Variants in SMARCC2 observed in about 807,000 individuals in gnomAD.
The protein encoded by SMARCC2 is SWI/SNF related BAF chromatin remodeling complex subunit C2.
Under a neutral mutation model 151.3 loss-of-function variants are expected in SMARCC2, and 15 were observed. The observed-to-expected ratio is 0.10, with a 90% CI of 0.07 to 0.15. The LOEUF (loss-of-function observed/expected upper bound fraction) is 0.15, where lower values mean the gene tolerates loss of function less well. SMARCC2 is among the 10% of genes least tolerant of loss of function. The probability of loss-of-function intolerance (pLI) is 1.00; values close to 1 mark genes in which losing one functional copy is unlikely to be tolerated. For synonymous variants in SMARCC2, 590 were observed against 609.5 expected (o/e 0.97, Z 0.47); for missense variants, 1,031 against 1,599.7 (o/e 0.64, Z 6.06).
intron 1 of SMARCC2, among the ~76,000 whole-genome samples, chr12:56,187,908 C>G (rs1454881147): frequency 6.6e-6 from 1 of 152,200 alleles, no homozygotes; most frequent in Admixed American, 6.5e-5. Context: ...AACATCTACC[C>G]TGTCCGAGGA....
At chr12:56,188,462 G>C (rs1254803084) in intron 1 of SMARCC2, among the ~76,000 whole-genome samples, 1 of 152,174 alleles carries the variant, frequency 6.6e-6, no homozygotes, top group African/African-American at 2.4e-5. Context: ...CCTCTCTGAG[G>C]GTAGTGAGAA....
chr12:56,174,870 G>C lies in SMARCC2; in HGVS notation c.1383-106C>G, dbSNP rs1299744152. On this transcript the variant is annotated intron_variant, in intron 15 of 28. Transcript: ENST00000550164. Reference sequence around the variant, plus strand: ...CTAATGACTTCTCCTGCATGATAAAGATGGAAAAAAGTAGATTATTTGACT... The same window carrying C: ...CTAATGACTTCTCCTGCATGATAAACATGGAAAAAAGTAGATTATTTGACT... 4 of 730,580 alleles carry C rather than the reference G, an allele frequency of 5.5e-6. No individual in the cohort carries two copies. In the African/African-American group the frequency reaches 7.0e-5, roughly 13 times the overall value. 45.3% of individuals were successfully genotyped at this position (730,580 alleles called of 1,614,324 possible). A position where few individuals can be genotyped will look rare whatever the true frequency, so the allele number is the denominator to read the frequency against.
In SMARCC2 at chr12:56,183,946, G is replaced by A. The variant is rs1452171887; in HGVS notation, c.563-16C>T. On this transcript the variant is annotated splice_polypyrimidine_tract_variant and intron_variant, in intron 6 of 28. Coordinates refer to ENST00000550164, the MANE Select transcript of SMARCC2 (RefSeq NM_001330288.2). ...ACCCATTCCTCTGGGGATAGAGGAAGAGAAGGGAGAGATATAAGCTAAAGG... is the reference window on the plus strand; with the variant it reads ...ACCCATTCCTCTGGGGATAGAGGAAAAGAAGGGAGAGATATAAGCTAAAGG... 6.3e-7 allele frequency: 1 copy of A among 1,578,506 alleles called. No homozygotes were observed. Among genetic ancestry groups the A allele is most frequent in the African/African-American group, 1.3e-5 (1 of 74,240 alleles).
At chr12:56,163,801 G>A (rs776472293) in intron 28 of SMARCC2, 36 bp from the exon 29 acceptor site, 31 of 1,399,248 alleles carry the variant, frequency 2.2e-5, no homozygotes, top group Middle Eastern at 1.8e-4. Flanking sequence ...GTTAGAGTAC[G>A]CCGGAGAGAT....
At chr12:56,165,978 C>A (rs1045875692) in intron 26 of SMARCC2, among the ~76,000 whole-genome samples, 1 of 152,210 alleles carries the variant, frequency 6.6e-6, no homozygotes, top group Non-Finnish European at 1.5e-5. Context: ...TTGCCATTAC[C>A]TTGATTTGGA....
At chr12:56,165,854 C>G (rs1392942087) in intron 26 of SMARCC2, among the ~76,000 whole-genome samples, 155 bp from the exon 27 acceptor site, 1 of 152,220 alleles carries the variant, frequency 6.6e-6, no homozygotes, top group Non-Finnish European at 1.5e-5. Context: ...CTGTCCTCCC[C>G]ACCCGACTTC....
At chr12:56,170,720 A>G (rs1371747953) in intron 22 of SMARCC2, among the ~76,000 whole-genome samples, 1 of 142,752 alleles carries the variant, frequency 7.0e-6, no homozygotes, top group Non-Finnish European at 1.5e-5. Flanking sequence ...CAGCCTTCAC[A>G]AGACTTTTTT....
rs770596212 is a variant in SMARCC2, at chr12:56,171,935, T to G, written c.1929A>C (p.Ala643=). The change falls in exon 21 of 29, where the codon GCA becomes GCC. Residue 643 remains alanine, a splice_region_variant and synonymous_variant. Coordinates refer to ENST00000550164, the MANE Select transcript of SMARCC2 (RefSeq NM_001330288.2). This position sits in a 1 kb window ranked among gnomAD's most constrained non-coding sequence, Gnocchi z 4.2. ...TEQETLLLLE[A]LEMYKDDWNK... ...TCCAGTCATCTTTGTACATTTCCAGTGCCTGGTGGTAGTGGTGGAGACATA... is the reference window on the plus strand; with the variant it reads ...TCCAGTCATCTTTGTACATTTCCAGGGCCTGGTGGTAGTGGTGGAGACATA... 1 of 1,600,582 alleles carries G rather than the reference T, an allele frequency of 6.2e-7. No homozygotes were observed.
Position 56,171,256 on chromosome 12 carries a change from C to T in SMARCC2, c.2347+15G>A, listed in dbSNP as rs754430779. ...TTGTGAAAGGCAAGAAATCTGGGAACCTGCCTGGCCTTACCAATCCGCTCA... is the reference window on the plus strand; with the variant it reads ...TTGTGAAAGGCAAGAAATCTGGGAATCTGCCTGGCCTTACCAATCCGCTCA... On this transcript the variant is annotated intron_variant, in intron 22 of 28. Transcript: ENST00000550164. The surrounding 1 kb of genome is among the most constrained non-coding windows in gnomAD (Gnocchi z 4.2). The T allele has an allele frequency of 6.2e-7, 1 of 1,612,060 alleles. No individual in the cohort carries two copies. The highest frequency in any genetic ancestry group is 1.7e-5 in the Admixed American group (1 of 59,842).
At position 56,165,696 on chromosome 12, in the gene SMARCC2, CCAG is replaced by C. The variant is rs753381492; in HGVS notation, c.2851_2853del (p.Leu951del). 1 of 1,609,106 alleles carries C rather than the reference CCAG, an allele frequency of 6.2e-7. No homozygotes were observed. ...GCCAGGAGCTGCTGCCTCTGATACT[CCAG>C]CTGCCAGTGCCAATTGAGTATTGTT... On this transcript the variant is annotated inframe_deletion and splice_region_variant, in exon 27 of 29. Transcript: ENST00000550164.
In SMARCC2 at chr12:56,170,271, A is replaced by G. The variant is rs1274676879; in HGVS notation, c.2348-63T>C. 3.0e-6 allele frequency: 4 copies of G among 1,327,136 alleles called. No individual in the cohort carries two copies. In the South Asian group the frequency reaches 3.7e-5, roughly 12 times the overall value. 82.2% of individuals were successfully genotyped at this position (1,327,136 alleles called of 1,614,324 possible). ...TAATACACAGTCGTCTGTGTCTAAC[A>G]CTTTTCTTTTTTTTTAGAGACAGGG... On this transcript the variant is annotated intron_variant, in intron 22 of 28. Coordinates refer to ENST00000550164, the MANE Select transcript of SMARCC2 (RefSeq NM_001330288.2).
intron 17 of SMARCC2, 44 bp from the exon 18 acceptor site, chr12:56,173,073 A>T (rs757921004): frequency 6.3e-7 from 1 of 1,595,194 alleles, no homozygotes; most frequent in Non-Finnish European, 8.6e-7. Flanking sequence ...GCAGGAAATG[A>T]CCAGGCCAAG....
At chr12:56,181,456 C>G in intron 10 of SMARCC2, 26 bp downstream of exon 10, 5 of 1,323,350 alleles carry the variant, frequency 3.8e-6, no homozygotes, top group Non-Finnish European at 5.2e-6. Context: ...ATGGTGAACA[C>G]GGGGGCAGGC....
rs1368938630 is a variant in SMARCC2, at chr12:56,165,710, C to G, written c.2851-11G>C. ...CCTCTGATACTCCAGCTGCCAGTGC[C>G]AATTGAGTATTGTTATCCAATTTTC... is the stretch of plus-strand genomic sequence containing the variant. On this transcript the variant is annotated splice_polypyrimidine_tract_variant and intron_variant, in intron 26 of 28. Transcript: ENST00000550164. The G allele has an allele frequency of 1.2e-6, 2 of 1,606,582 alleles. No homozygotes were observed. Among genetic ancestry groups the G allele is most frequent in the African/African-American group, 2.7e-5 (2 of 75,042 alleles).
intron 15 of SMARCC2, 139 bp from the exon 16 acceptor site, chr12:56,174,903 C>T: frequency 1.6e-6 from 1 of 618,788 alleles, no homozygotes; most frequent in East Asian, 2.7e-5. Context: ...ACTCTACATG[C>T]TGAGTGCCTG....
rs1195754669 is a variant in SMARCC2 at position 56,181,688 on chromosome 12, G to A, written c.840+16C>T. 4 of 1,614,172 alleles carry A rather than the reference G, an allele frequency of 2.5e-6. No homozygotes were observed. Among genetic ancestry groups the A allele is most frequent in the Admixed American group, 1.7e-5 (1 of 60,014 alleles). On this transcript the variant is annotated intron_variant, in intron 9 of 28. Coordinates refer to ENST00000550164, the MANE Select transcript of SMARCC2 (RefSeq NM_001330288.2). ...TATGCTAAGGGCGCCAGGAAAAAAA[G>A]AACAGGATTTGTCACCTCATCTGTC...
intron 15 of SMARCC2, among the ~76,000 whole-genome samples, chr12:56,175,028 T>C (rs1450627016): frequency 1.3e-5 from 2 of 152,212 alleles, no homozygotes; most frequent in African/African-American, 2.4e-5. Context: ...TTTTTTTTTT[T>C]GAGATGGAGT....
intron 7 of SMARCC2, among the ~76,000 whole-genome samples, chr12:56,183,008 A>ATT (rs1257673412): frequency 7.5e-6 from 1 of 133,900 alleles, no homozygotes; most frequent in East Asian, 2.2e-4. Context: ...TAATTTCTGT[A>ATT]TTTTTTTTTT....
rs757457608 is a variant in SMARCC2, at chr12:56,164,538, G to A, written c.3426C>T (p.Pro1142=). 12 of 1,614,082 alleles carry A rather than the reference G, an allele frequency of 7.4e-6. No homozygotes were observed. The highest frequency in any genetic ancestry group is 3.3e-5 in the Admixed American group (2 of 60,008). ...GATGCCCATGCAGGTTAGGAGGAGC[G>A]GGGAGGTTAATACTGATGGAGTCAG... ...SLADSISINL[P]APPNLHGHHH... The change falls in exon 28 of 29, where the codon CCC becomes CCT. Residue 1142 remains proline (P), a synonymous_variant. Coordinates refer to ENST00000550164, the MANE Select transcript of SMARCC2 (RefSeq NM_001330288.2).
Sources: gnomAD v4.1 joint callset for allele counts (sites outside exome capture counted in the v4.1 genomes callset) on GRCh38, gnomAD v4.1.1 for gene constraint, Gnocchi (gnomAD v3.1) non-coding constraint, MANE v1.5 for transcripts, NCBI Gene and HGNC (gene_info 2026-07-23, HGNC 2026-07-21) for gene names.